Variants in SGK1 observed in about 807,000 individuals in gnomAD.
SGK1 encodes serum/glucocorticoid regulated kinase 1, also known as serine/threonine-protein kinase Sgk1.
A neutral mutation model predicts 64.2 loss-of-function variants in SGK1; 26 were observed. The ratio of observed to expected loss-of-function variants is 0.40; its 90% confidence interval spans 0.30 to 0.56. The LOEUF is 0.56. Ranked by LOEUF, SGK1 falls within the 20% of genes least tolerant of loss-of-function variation. The pLI is 0.38. For missense variants in SGK1, 519 were observed against 645.6 expected (o/e 0.80, Z 2.12); for synonymous variants, 265 against 239.7 (o/e 1.11, Z -0.98).
intron 2 of SGK1, among the ~76,000 whole-genome samples, chr6:134,256,573 A>G (rs1776687275): frequency 6.6e-6 from 1 of 152,196 alleles, no homozygotes; most frequent in Admixed American, 6.6e-5. Context: ...AATACAGAGT[A>G]GAGTTTGTGA....
chr6:134,294,350 C>T (rs1777309257), intron 1 of SGK1, among the ~76,000 whole-genome samples: 1 of 152,108 alleles, frequency 6.6e-6, no homozygotes, highest in African/African-American at 2.4e-5. Flanking sequence ...AAACTGTTTT[C>T]ATCTTCCCAA....
chr6:134,256,370 CTG>C (rs753190735), intron 2 of SGK1, among the ~76,000 whole-genome samples: 14 of 150,552 alleles, frequency 9.3e-5, no homozygotes, highest in Non-Finnish European at 1.8e-4. Context: ...GTGTGTGTGT[CTG>C]TGTGTGTGTG....
intron 1 of SGK1, among the ~76,000 whole-genome samples, chr6:134,269,248 A>C (rs1776904375): frequency 6.8e-6 from 1 of 146,400 alleles, no homozygotes; most frequent in Non-Finnish European, 1.5e-5. Flanking sequence ...AGAGAGCTTG[A>C]AGTTGCCTTC....
At chr6:134,227,160 T>A (rs1181753238) in intron 2 of SGK1, among the ~76,000 whole-genome samples, 1 of 152,072 alleles carries the variant, frequency 6.6e-6, no homozygotes, top group Admixed American at 6.6e-5. Flanking sequence ...AGATGGAGTC[T>A]CACTCACTCT....
chr6:134,173,230 G>T (rs1259962926), intron 7 of SGK1, 44 bp downstream of exon 7: 22 of 1,610,032 alleles, frequency 1.4e-5, no homozygotes, highest in Non-Finnish European at 1.5e-5. Flanking sequence ...ATTATTCAAG[G>T]AGTGTCTACC....
chr6:134,260,582 G>C (rs1278769869), intron 2 of SGK1: 1 of 150,330 alleles, frequency 6.7e-6, no homozygotes, highest in Non-Finnish European at 1.5e-5. Flanking sequence ...TGAGGCAGAA[G>C]AATTACTTGA....
intron 3 of SGK1, among the ~76,000 whole-genome samples, chr6:134,186,123 A>AC (rs1477490688): frequency 6.6e-6 from 1 of 152,186 alleles, no homozygotes; most frequent in Non-Finnish European, 1.5e-5. Context: ...CTTAAAATTA[A>AC]CCATCACACG....
chr6:134,194,389 C>T (rs1411558173), intron 3 of SGK1, among the ~76,000 whole-genome samples: 1 of 152,176 alleles, frequency 6.6e-6, no homozygotes, highest in Non-Finnish European at 1.5e-5. Context: ...CCAGTTCTGT[C>T]TATAAATGCT....
chr6:134,302,569 T>G (rs1264746124), intron 1 of SGK1, among the ~76,000 whole-genome samples: 14 of 152,104 alleles, frequency 9.2e-5, no homozygotes, highest in Admixed American at 9.2e-4. Flanking sequence ...AAATCACAAC[T>G]TACACCACAA....
intron 2 of SGK1, among the ~76,000 whole-genome samples, chr6:134,241,048 C>CTTTTTTTTTTTTTT (rs10686058): frequency 2.6e-4 from 19 of 74,102 alleles, no homozygotes; most frequent in Non-Finnish European, 3.1e-4. Flanking sequence ...TTCTTTTTTT[C>CTTTTTTTTTTTTTT]TTTTTTTTTT....
At chr6:134,199,427 C>T (rs554600551) in intron 3 of SGK1, among the ~76,000 whole-genome samples, 6 of 151,864 alleles carry the variant, frequency 4.0e-5, no homozygotes, top group Middle Eastern at 3.4e-3. Flanking sequence ...GGCGTGGTGG[C>T]GGGTGCCTGT....
intron 2 of SGK1, among the ~76,000 whole-genome samples, chr6:134,213,754 C>G (rs1316679737): frequency 6.6e-6 from 1 of 152,064 alleles, no homozygotes; most frequent in African/African-American, 2.4e-5. Flanking sequence ...CACATGGGCT[C>G]TTTGGTTCTT....
chr6:134,274,704 G>A (rs2114763416), intron 1 of SGK1, among the ~76,000 whole-genome samples: 1 of 150,444 alleles, frequency 6.6e-6, no homozygotes, highest in East Asian at 1.9e-4. Context: ...AATACTTCTG[G>A]TTCCAAGCAT....
chr6:134,240,539 T>G (rs1776429163), intron 2 of SGK1, among the ~76,000 whole-genome samples: 1 of 152,220 alleles, frequency 6.6e-6, no homozygotes, highest in African/African-American at 2.4e-5. Context: ...TGTTAAATAA[T>G]GTATTTTCCT....
chr6:134,190,188 T>C (rs1056062453), intron 3 of SGK1, among the ~76,000 whole-genome samples: 8 of 152,120 alleles, frequency 5.3e-5, no homozygotes, highest in Non-Finnish European at 1.2e-4. Context: ...GCTCCTATAT[T>C]CATAACTGAT....
chr6:134,254,121 T>A (rs2114739000), intron 2 of SGK1, among the ~76,000 whole-genome samples: 1 of 148,788 alleles, frequency 6.7e-6, no homozygotes, highest in East Asian at 2.0e-4. Flanking sequence ...CTCCTTTTTT[T>A]TTTTTTCAAA....
intron 3 of SGK1, among the ~76,000 whole-genome samples, chr6:134,181,445 A>G (rs1440916103): frequency 6.6e-6 from 1 of 152,052 alleles, no homozygotes; most frequent in Non-Finnish European, 1.5e-5. Context: ...CCCTGGTTCA[A>G]GCAATTCTCC....
At chr6:134,289,533 A>G (rs775942263) in intron 1 of SGK1, among the ~76,000 whole-genome samples, 2 of 152,236 alleles carry the variant, frequency 1.3e-5, no homozygotes, top group Non-Finnish European at 2.9e-5. Context: ...TATTTAACTC[A>G]ATGTACCCCC....
chr6:134,211,039 C>T (rs1268097751), intron 2 of SGK1, among the ~76,000 whole-genome samples: 1 of 149,556 alleles, frequency 6.7e-6, no homozygotes, highest in Admixed American at 6.7e-5. Context: ...GCAGGAGAAT[C>T]GCTTGAACCT....
Sources: gnomAD v4.1 joint callset for allele counts (sites outside exome capture counted in the v4.1 genomes callset) on GRCh38, gnomAD v4.1.1 for gene constraint, MANE v1.5 for transcripts, NCBI Gene and HGNC (gene_info 2026-07-23, HGNC 2026-07-21) for gene names.